Variants in CLDN16 observed in about 807,000 individuals in gnomAD.
The protein encoded by CLDN16 is claudin 16, also known as claudin-16.
CLDN16 carries 13 observed loss-of-function variants against 24.6 expected under a neutral mutation model. The ratio of observed to expected loss-of-function variants is 0.53; its 90% CI spans 0.34 to 0.84. CLDN16 has a LOEUF of 0.84. CLDN16 is among the 40% of genes least tolerant of loss of function. The pLI is 0.01. For missense variants in CLDN16, 298 were observed against 292.7 expected, an observed-to-expected ratio of 1.02 and a Z score of -0.13; for synonymous variants, 116 against 106.7, an observed-to-expected ratio of 1.09 and a Z score of -0.54.
chr3:190,315,887 T>G, the CLDN16 span, among the ~76,000 whole-genome samples: 1 of 152,108 alleles, frequency 6.6e-6, no homozygotes, highest in African/African-American at 2.4e-5. Context: ...ACCCCTGATC[T>G]CCCAGGCAAG....
At chr3:190,322,325 G>GA, upstream of CLDN16, 1 of 925,560 alleles carries the variant, frequency 1.1e-6, no homozygotes, top group Non-Finnish European at 1.7e-6. Flanking sequence ...TTAAGGCGGG[G>GA]AGCCCTGCTC....
Position 190,402,358 on chromosome 3 carries a change from C to T in CLDN16, c.136C>T (p.Leu46Phe), listed in dbSNP as rs1718984196. The T allele has an allele frequency of 6.2e-7, 1 of 1,613,956 alleles. No homozygotes were observed. The highest frequency in any genetic ancestry group is 8.5e-7 in the Non-Finnish European group (1 of 1,179,942). ...SLEVSTKCRG[L>F]WWECVTNAFD... ...CTAGGTGAGCACAAAATGCCGAGGC[C>T]TCTGGTGGGAATGCGTCACAAATGC... The change falls in exon 2 of 5, where the codon CTC becomes TTC. Residue 46 changes from leucine (L) to phenylalanine (F), a missense_variant. Physicochemically the swap from Leu to Phe is conservative, Grantham distance 22. Coordinates refer to ENST00000264734, the MANE Select transcript of CLDN16 (RefSeq NM_006580.4).
intron 1 of CLDN16, among the ~76,000 whole-genome samples, chr3:190,331,251 C>T (rs1717174268): frequency 6.6e-6 from 1 of 152,180 alleles, no homozygotes; most frequent in South Asian, 2.1e-4. Flanking sequence ...CTTTCTTCCT[C>T]TACCGTTGAC....
At chr3:190,351,956 A>G (rs140947694) in intron 1 of CLDN16, among the ~76,000 whole-genome samples, 1 of 152,074 alleles carries the variant, frequency 6.6e-6, no homozygotes, top group African/African-American at 2.4e-5. Context: ...TATCAGGGAG[A>G]GCTCTAGCAA....
upstream of CLDN16, among the ~76,000 whole-genome samples, chr3:190,384,451 A>G (rs1041740142): frequency 1.3e-5 from 2 of 152,200 alleles, no homozygotes; most frequent in African/African-American, 4.8e-5. Flanking sequence ...TACTTCCTTT[A>G]ATAGACCAAC....
chr3:190,308,150 T>G, the CLDN16 span: 2 of 1,131,936 alleles, frequency 1.8e-6, no homozygotes, highest in East Asian at 4.8e-5. Flanking sequence ...TTTTGTTTGT[T>G]TGTTTGTTTT....
the CLDN16 span, among the ~76,000 whole-genome samples, chr3:190,292,824 C>T: frequency 6.6e-6 from 1 of 152,178 alleles, no homozygotes; most frequent in African/African-American, 2.4e-5. Flanking sequence ...ACCACCTCAG[C>T]TTGGACTTCA....
chr3:190,353,628 G>A (rs1051494296), intron 1 of CLDN16, among the ~76,000 whole-genome samples: 5 of 152,054 alleles, frequency 3.3e-5, no homozygotes, highest in Admixed American at 6.6e-5. Flanking sequence ...ACACTTAAGA[G>A]TCGTTCAAAC....
chr3:190,352,592 G>A (rs1292025873), intron 1 of CLDN16, among the ~76,000 whole-genome samples: 1 of 152,134 alleles, frequency 6.6e-6, no homozygotes, highest in Non-Finnish European at 1.5e-5. Context: ...AATCAAAGTA[G>A]CTATGGTTGC....
chr3:190,409,167 TGTATATGCATGTATATATACACACAC>T (rs1340179791), intron 4 of CLDN16, among the ~76,000 whole-genome samples: 225 of 138,938 alleles, frequency 1.6e-3, no homozygotes, highest in Admixed American at 2.5e-3. Flanking sequence ...AATACACCCA[TGTATATGCATGTATATATACACACAC>T]GTATATGCAT....
upstream of CLDN16, chr3:190,322,067 T>A (rs750616788): frequency 3.1e-6 from 5 of 1,614,202 alleles, no homozygotes; most frequent in Non-Finnish European, 3.4e-6. Flanking sequence ...CAGCCCCTCG[T>A]ACATGGCCTG....
upstream of CLDN16, among the ~76,000 whole-genome samples, chr3:190,384,705 T>A (rs555176374): frequency 6.6e-6 from 1 of 152,306 alleles, no homozygotes; most frequent in Admixed American, 6.5e-5. Flanking sequence ...AAGTCCAATA[T>A]TACTCCCTCT....
At chr3:190,302,779 A>AAAT in the CLDN16 span, among the ~76,000 whole-genome samples, 27 of 140,180 alleles carry the variant, frequency 1.9e-4, no homozygotes, top group African/African-American at 4.3e-4. Context: ...CTCAAAAAAA[A>AAAT]ATATATATAT....
intron 3 of CLDN16, among the ~76,000 whole-genome samples, chr3:190,405,428 G>GAAAAA (rs542527344): frequency 1.2e-5 from 1 of 81,146 alleles, no homozygotes. Flanking sequence ...CCGTCTCACG[G>GAAAAA]AAAAAAAAAA....
intron 1 of CLDN16, among the ~76,000 whole-genome samples, chr3:190,335,423 G>A (rs1717278416): frequency 6.6e-6 from 1 of 151,874 alleles, no homozygotes; most frequent in Admixed American, 6.6e-5. Context: ...CCTCTTTAAA[G>A]GTTTATCCTG....
chr3:190,399,562 T>TA (rs1334302055), intron 1 of CLDN16, among the ~76,000 whole-genome samples: 1 of 152,174 alleles, frequency 6.6e-6, no homozygotes, highest in Non-Finnish European at 1.5e-5. Context: ...TTTTAGCACA[T>TA]ATGCATCTTC....
the CLDN16 span, among the ~76,000 whole-genome samples, chr3:190,299,931 C>T: frequency 2.0e-5 from 3 of 152,242 alleles, no homozygotes; most frequent in African/African-American, 7.2e-5. Context: ...CTTCCTGGAA[C>T]CAAAATAACC....
At chr3:190,381,047 C>G (rs566480760) in intron 3 of CLDN16, among the ~76,000 whole-genome samples, 35 of 152,184 alleles carry the variant, frequency 2.3e-4, no homozygotes, top group African/African-American at 8.4e-4. Flanking sequence ...AGTTAATTCT[C>G]AAGTCCAAAG....
chr3:190,337,072 T>C (rs1717327976), intron 1 of CLDN16, among the ~76,000 whole-genome samples: 1 of 152,214 alleles, frequency 6.6e-6, no homozygotes, highest in Non-Finnish European at 1.5e-5. Context: ...GCTTGGTCCA[T>C]GGATTGTTCA....
Sources: gnomAD v4.1 joint callset for allele counts (sites outside exome capture counted in the v4.1 genomes callset) on GRCh38, gnomAD v4.1.1 for gene constraint, MANE v1.5 for transcripts, NCBI Gene and HGNC (gene_info 2026-07-23, HGNC 2026-07-21) for gene names.